The following ITSN1 variants were observed in gnomAD, a reference collection of about 807,000 sequenced individuals.
ITSN1 encodes the protein intersectin 1.
In ITSN1, 58 loss-of-function variants were observed where a neutral mutation model predicts 239.8. That is an observed-to-expected ratio of 0.24 (90% CI 0.20 to 0.30). ITSN1 has a LOEUF of 0.30. Ranked by LOEUF, ITSN1 falls within the 10% of genes least tolerant of loss-of-function variation. The pLI, the probability that ITSN1 is intolerant of heterozygous loss-of-function variation, is 1.00. For synonymous variants in ITSN1, 780 were observed against 770.8 expected (o/e 1.01, Z -0.20); for missense variants, 1,558 against 2,103.3 (o/e 0.74, Z 5.07).
intron 29 of ITSN1, among the ~76,000 whole-genome samples, chr21:33,853,260 G>A (rs2148467691): frequency 6.6e-6 from 1 of 152,332 alleles, no homozygotes; most frequent in African/African-American, 2.4e-5. Context: ...GTGGAATTTG[G>A]TGGGGGCAAG....
At chr21:33,749,088 A>G (rs1049606863) in intron 5 of ITSN1, among the ~76,000 whole-genome samples, 1 of 151,384 alleles carries the variant, frequency 6.6e-6, no homozygotes, top group African/African-American at 2.4e-5. Context: ...TCTTCGGCAT[A>G]AGTGATCCTC....
intron 36 of ITSN1, among the ~76,000 whole-genome samples, chr21:33,884,341 C>T (rs1569343544): frequency 6.6e-6 from 1 of 152,122 alleles, no homozygotes; most frequent in African/African-American, 2.4e-5. Context: ...GTTAATAGGA[C>T]CACGCAAACC....
chr21:33,876,168 T>A (rs59343076), intron 34 of ITSN1, among the ~76,000 whole-genome samples: 1 of 146,348 alleles, frequency 6.8e-6, no homozygotes, highest in African/African-American at 2.6e-5. Flanking sequence ...TCTCCCTCTT[T>A]CTTTCTTTCC....
intron 1 of ITSN1, among the ~76,000 whole-genome samples, chr21:33,704,385 G>A (rs1354612670): frequency 6.6e-6 from 1 of 152,016 alleles, no homozygotes; most frequent in Non-Finnish European, 1.5e-5. Context: ...CTGCACCCAC[G>A]CTTCACCCTG....
chr21:33,658,392 A>G (rs1191909462), intron 1 of ITSN1, among the ~76,000 whole-genome samples: 1 of 152,172 alleles, frequency 6.6e-6, no homozygotes, highest in East Asian at 1.9e-4. Context: ...GGTATAGCCT[A>G]CTATACACCT....
intron 8 of ITSN1, among the ~76,000 whole-genome samples, chr21:33,755,745 G>A (rs745717300): frequency 9.2e-5 from 14 of 152,182 alleles, no homozygotes; most frequent in Non-Finnish European, 1.9e-4. Flanking sequence ...GAAGCTGTCT[G>A]TTCACTAGGT....
chr21:33,768,848 A>C (rs949957281), intron 11 of ITSN1, among the ~76,000 whole-genome samples: 1 of 152,242 alleles, frequency 6.6e-6, no homozygotes, highest in African/African-American at 2.4e-5. Context: ...ATACTATTGG[A>C]AATATTTTAC....
intron 4 of ITSN1, among the ~76,000 whole-genome samples, chr21:33,726,214 G>A (rs2065824624): frequency 6.6e-6 from 1 of 152,036 alleles, no homozygotes; most frequent in Non-Finnish European, 1.5e-5. Context: ...GCCTGGTCTC[G>A]AACTCCTGAC....
At chr21:33,694,199 G>C (rs1349043190) in intron 1 of ITSN1, among the ~76,000 whole-genome samples, 1 of 151,982 alleles carries the variant, frequency 6.6e-6, no homozygotes, top group Non-Finnish European at 1.5e-5. Flanking sequence ...TCTTATTTTT[G>C]TTACTTATTT....
chr21:33,679,958 A>G (rs1488307005), intron 1 of ITSN1, among the ~76,000 whole-genome samples: 2 of 152,156 alleles, frequency 1.3e-5, no homozygotes, highest in African/African-American at 4.8e-5. Flanking sequence ...TGGTCCTCCC[A>G]AAGTGCTGGG....
intron 4 of ITSN1, among the ~76,000 whole-genome samples, chr21:33,732,206 G>GA (rs1311270414): frequency 1.3e-5 from 2 of 152,154 alleles, no homozygotes; most frequent in Non-Finnish European, 2.9e-5. Flanking sequence ...AGACTTCAGA[G>GA]AAAATAGATG....
At chr21:33,879,688 C>CT (rs201862466) in intron 34 of ITSN1, among the ~76,000 whole-genome samples, 1,634 of 151,776 alleles carry the variant, frequency 0.011, 29 homozygotes, top group African/African-American at 0.037. Context: ...TGTCATCCTT[C>CT]TTTTTTTTTG....
Position 33,886,331 on chromosome 21 carries a change from C to T in ITSN1, c.4888C>T (p.His1630Tyr). The change falls in exon 39 of 40, where the codon CAC (histidine) becomes TAC (tyrosine). Residue 1630 changes from histidine (H) to tyrosine (Y), a missense_variant. His to Tyr is a moderately conservative substitution (Grantham distance 83). This residue lies in a region of ITSN1 where 576 missense variants were observed against 893.3 expected (regional missense o/e 0.64). Coordinates refer to ENST00000381318, the MANE Select transcript of ITSN1 (RefSeq NM_003024.3). Reference protein sequence around the residue: ...YCEVTMGSQCHITKTIQDTLN... With the variant: ...YCEVTMGSQCYITKTIQDTLN... ...TGAGGTGACCATGGGTTCCCAGTGCCACATCACCAAGACGATCCAGGACAC... is the reference window on the plus strand; with the variant it reads ...TGAGGTGACCATGGGTTCCCAGTGCTACATCACCAAGACGATCCAGGACAC... 2.5e-6 allele frequency: 4 copies of T among 1,614,072 alleles called. No homozygotes were observed. Among genetic ancestry groups the T allele is most frequent in the Non-Finnish European group, 3.4e-6 (4 of 1,180,006 alleles).
rs371665981 is a variant in ITSN1, at chr21:33,836,724, A to G, written c.3661+92A>G. 2.9e-5 allele frequency: 32 copies of G among 1,100,918 alleles called. No homozygotes were observed. The East Asian group carries it at 4.8e-4, about 16-fold the overall frequency. The allele number at this position is 1,100,918 out of a possible 1,614,324, so 68.2% of individuals were successfully genotyped here. On this transcript the variant is annotated intron_variant, in intron 29 of 39. Transcript: ENST00000381318. Reference sequence around the variant, plus strand: ...TCTGATTCTGCTGAGCTTTGTTTGCAGAACTTAAAGCTAGACCATTGCTGC... The same window carrying G: ...TCTGATTCTGCTGAGCTTTGTTTGCGGAACTTAAAGCTAGACCATTGCTGC...
chr21:33,763,377 T>G (rs1796872789), intron 9 of ITSN1, among the ~76,000 whole-genome samples: 1 of 152,170 alleles, frequency 6.6e-6, no homozygotes, highest in Non-Finnish European at 1.5e-5. Flanking sequence ...TAATTAGATC[T>G]AGAGCAAAGT....
chr21:33,814,146 G>C (rs905189272), intron 22 of ITSN1, 74 bp downstream of exon 22: 13 of 1,506,454 alleles, frequency 8.6e-6, no homozygotes, highest in Admixed American at 3.7e-5. Flanking sequence ...ATGCTTTTTG[G>C]CAATGTCATT....
chr21:33,781,366 A>G, intron 14 of ITSN1, 95 bp from the exon 15 acceptor site: 1 of 704,732 alleles, frequency 1.4e-6, no homozygotes. Context: ...ATTTGGGAAG[A>G]GTCTGAGAAA....
chr21:33,662,882 A>G (rs556567392), intron 1 of ITSN1, among the ~76,000 whole-genome samples: 11 of 152,340 alleles, frequency 7.2e-5, no homozygotes, highest in Admixed American at 2.6e-4. Flanking sequence ...GAACTAGATG[A>G]CAAGATCCTT....
intron 1 of ITSN1, among the ~76,000 whole-genome samples, chr21:33,715,783 G>T (rs1339214610): frequency 6.6e-6 from 1 of 152,070 alleles, no homozygotes; most frequent in African/African-American, 2.4e-5. Flanking sequence ...GGCAGATGGG[G>T]TGTTGTCACC....
Sources: allele counts gnomAD v4.1 joint callset (sites outside exome capture counted in the v4.1 genomes callset), GRCh38; gene constraint gnomAD v4.1.1; regional missense constraint gnomAD v4.1.1; transcripts MANE v1.5; gene names NCBI Gene and HGNC (gene_info 2026-07-23, HGNC 2026-07-21).